Variants in LPP observed in about 807,000 individuals in gnomAD.
LPP encodes lipoma-preferred partner.
A neutral mutation model predicts 60.4 loss-of-function variants in LPP; 38 were observed. The observed-to-expected ratio is 0.63, with a 90% CI of 0.49 to 0.83. The LOEUF (loss-of-function observed/expected upper bound fraction) is 0.83. Ranked by LOEUF, LPP falls within the 40% of genes least tolerant of loss-of-function variation. LPP has a pLI of 0.00. For synonymous variants in LPP, 328 were observed against 290.8 expected (o/e 1.13, Z -1.30); for missense variants, 902 against 783.6 (o/e 1.15, Z -1.80).
chr3:188,611,635 A>G (rs1843737540), intron 7 of LPP, among the ~76,000 whole-genome samples: 1 of 152,224 alleles, frequency 6.6e-6, no homozygotes. Context: ...GACTGAAAGG[A>G]TGGCTGAGTG....
At chr3:188,860,729 C>G (rs1161558635) in intron 9 of LPP, among the ~76,000 whole-genome samples, 1 of 152,142 alleles carries the variant, frequency 6.6e-6, no homozygotes, top group African/African-American at 2.4e-5. Context: ...TAATTTTATG[C>G]AAGCATACTG....
chr3:188,592,557 G>GTTTGTTTTT (rs1260656926), intron 6 of LPP, among the ~76,000 whole-genome samples: 4 of 85,708 alleles, frequency 4.7e-5, no homozygotes, highest in South Asian at 5.7e-4. Flanking sequence ...TTTTGTTTTT[G>GTTTGTTTTT]TTTTTTAAAT....
intron 2 of LPP, among the ~76,000 whole-genome samples, chr3:188,288,809 C>A (rs945016878): frequency 2.5e-5 from 1 of 40,476 alleles, no homozygotes; most frequent in Non-Finnish European, 4.4e-5. Flanking sequence ...CTCTCTCTCT[C>A]CACCCCCCAC....
chr3:188,878,855 G>A lies in LPP; in HGVS notation c.*4376G>A. Reference sequence around the variant, plus strand: ...TAGTATTTATTTTTTCCTTGTCTTGGAAGTATCTCATAGGTCTTTAAATGA... The same window carrying A: ...TAGTATTTATTTTTTCCTTGTCTTGAAAGTATCTCATAGGTCTTTAAATGA... On this transcript the variant is annotated 3_prime_UTR_variant, in exon 12 of 12. Coordinates refer to ENST00000617246, the MANE Select transcript of LPP (RefSeq NM_001375462.1). 2 of 215,426 alleles carry A rather than the reference G, an allele frequency of 9.3e-6. No homozygotes were observed. Among genetic ancestry groups the A allele is most frequent in the East Asian group, 1.4e-4 (2 of 14,462 alleles). The allele number at this position is 215,426 out of a possible 1,614,324, so 13.3% of individuals were successfully genotyped here.
chr3:188,478,352 A>G (rs571831646), intron 4 of LPP, among the ~76,000 whole-genome samples: 13 of 152,282 alleles, frequency 8.5e-5, no homozygotes, highest in African/African-American at 3.1e-4. Flanking sequence ...GGTCAGAACC[A>G]ATTTTTTTTC....
intron 3 of LPP, among the ~76,000 whole-genome samples, chr3:188,376,475 CTT>C (rs892751173): frequency 3.3e-5 from 5 of 152,070 alleles, no homozygotes; most frequent in Admixed American, 6.6e-5. Context: ...TTCTTTGTCT[CTT>C]TTGATCGTTG....
chr3:188,249,379 G>A (rs1484832682), intron 2 of LPP, among the ~76,000 whole-genome samples: 2 of 151,648 alleles, frequency 1.3e-5, no homozygotes, highest in Admixed American at 6.6e-5. Context: ...GGCCTGGGAC[G>A]TCAAGGCTGC....
At chr3:188,755,324 A>G (rs373191254) in intron 8 of LPP, among the ~76,000 whole-genome samples, 1 of 152,318 alleles carries the variant, frequency 6.6e-6, no homozygotes, top group East Asian at 1.9e-4. Flanking sequence ...CTCAGTCACC[A>G]TGCATCAACT....
chr3:188,584,923 C>G (rs185370848), intron 6 of LPP, among the ~76,000 whole-genome samples: 4 of 152,174 alleles, frequency 2.6e-5, no homozygotes, highest in Non-Finnish European at 4.4e-5. Context: ...TTTTATAACA[C>G]TTTTTAAAAC....
At chr3:188,425,454 G>A (rs1276212318) in intron 4 of LPP, among the ~76,000 whole-genome samples, 28 of 152,062 alleles carry the variant, frequency 1.8e-4, no homozygotes, top group Non-Finnish European at 5.9e-5. Context: ...GGATGATGCT[G>A]GCCTCATAAA....
At chr3:188,644,518 T>C (rs939480242) in intron 7 of LPP, among the ~76,000 whole-genome samples, 2 of 152,166 alleles carry the variant, frequency 1.3e-5, no homozygotes, top group Non-Finnish European at 2.9e-5. Flanking sequence ...TGGAGGCCGC[T>C]TAGTATAACA....
At chr3:188,500,817 C>T (rs764399158) in intron 5 of LPP, among the ~76,000 whole-genome samples, 9 of 152,006 alleles carry the variant, frequency 5.9e-5, no homozygotes, top group Non-Finnish European at 1.2e-4. Flanking sequence ...TCTGGGTTAT[C>T]GAATTTTTTG....
intron 7 of LPP, among the ~76,000 whole-genome samples, chr3:188,693,503 G>A (rs570810009): frequency 6.6e-6 from 1 of 152,104 alleles, no homozygotes; most frequent in Non-Finnish European, 1.5e-5. Flanking sequence ...GAGATGAAAG[G>A]GGGGAGGCAA....
chr3:188,759,978 T>C, intron 8 of LPP, 135 bp from the exon 9 acceptor site: 1 of 677,906 alleles, frequency 1.5e-6, no homozygotes, highest in Non-Finnish European at 2.6e-6. Context: ...AATGGGGTAA[T>C]AGTACTGGGG....
intron 4 of LPP, among the ~76,000 whole-genome samples, chr3:188,407,540 G>C (rs1228412883): frequency 6.6e-6 from 1 of 152,116 alleles, no homozygotes; most frequent in East Asian, 1.9e-4. Flanking sequence ...AGCTGCTCTT[G>C]AAAAACAATA....
intron 1 of LPP, among the ~76,000 whole-genome samples, chr3:188,167,336 A>G (rs1184021197): frequency 1.3e-5 from 2 of 152,150 alleles, no homozygotes; most frequent in Non-Finnish European, 2.9e-5. Context: ...TGTCTCTACT[A>G]AAAATACAAA....
At chr3:188,360,099 G>T (rs769635039) in intron 3 of LPP, among the ~76,000 whole-genome samples, 1 of 151,968 alleles carries the variant, frequency 6.6e-6, no homozygotes, top group South Asian at 2.1e-4. Flanking sequence ...CTTCCTTATC[G>T]TTAGTGTCAC....
Position 188,314,238 on chromosome 3 carries a change from G to A in LPP, c.-66-27425G>A, listed in dbSNP as rs1044258219. Among the ~76,000 whole-genome samples the A allele has an allele frequency of 6.6e-5, 10 of 152,006 alleles. No homozygotes were observed. The South Asian group carries it at 1.2e-3, about 19-fold the overall frequency. On this transcript the variant is annotated intron_variant, in intron 2 of 11. Coordinates refer to ENST00000617246, the MANE Select transcript of LPP (RefSeq NM_001375462.1). ...CCTGTTACTAGTGACATTGGCTTTC[G>A]ATTTGAGAAATGTATTGTGTTGAAA... is the stretch of plus-strand genomic sequence containing the variant.
intron 2 of LPP, among the ~76,000 whole-genome samples, chr3:188,314,568 A>G (rs753455852): frequency 7.3e-5 from 11 of 151,366 alleles, no homozygotes; most frequent in Non-Finnish European, 1.3e-4. Context: ...CTGTGCTTCA[A>G]TTTTCATAAG....
Sources: allele counts gnomAD v4.1 joint callset (sites outside exome capture counted in the v4.1 genomes callset), GRCh38; gene constraint gnomAD v4.1.1; transcripts MANE v1.5; gene names NCBI Gene and HGNC (gene_info 2026-07-23, HGNC 2026-07-21).